KCNIP1: variants seen among roughly 807,000 people sequenced by gnomAD.
KCNIP1 encodes potassium voltage-gated channel interacting protein 1, also known as A-type potassium channel modulatory protein KCNIP1.
KCNIP1 carries 18 observed loss-of-function variants against 33.0 expected under a neutral mutation model. That is an observed-to-expected ratio of 0.55 (90% confidence interval 0.38 to 0.81). The LOEUF (loss-of-function observed/expected upper bound fraction) is 0.81, where lower values mean the gene tolerates loss of function less well. KCNIP1 is among the 30% of genes least tolerant of loss of function. The probability of loss-of-function intolerance (pLI) is 0.00; values close to 1 mark genes in which losing one functional copy is unlikely to be tolerated. For missense variants in KCNIP1, 238 were observed against 271.6 expected, an observed-to-expected ratio of 0.88 and a Z score of 0.87; for synonymous variants, 93 against 98.3, an observed-to-expected ratio of 0.95 and a Z score of 0.32.
intron 1 of KCNIP1, among the ~76,000 whole-genome samples, chr5:170,625,488 G>C (rs79479862): frequency 6.6e-6 from 1 of 152,180 alleles, no homozygotes. Context: ...TGTGACCTGC[G>C]GGGGCGCCCC....
At chr5:170,469,394 A>AAAAC (rs376320850) in intron 1 of KCNIP1, among the ~76,000 whole-genome samples, 1 of 152,222 alleles carries the variant, frequency 6.6e-6, no homozygotes, top group Non-Finnish European at 1.5e-5. Flanking sequence ...ACCCTGCCTC[A>AAAAC]AAACAAACAA....
Position 170,655,359 on chromosome 5 carries a change from C to T in KCNIP1, c.62-63399C>T, listed in dbSNP as rs77773136. Among the ~76,000 whole-genome samples, 200 of 152,238 alleles carry T rather than the reference C, an allele frequency of 1.3e-3. 1 individual carries two copies. The East Asian group carries it at 0.019, about 15-fold the overall frequency. ...GTGAGATGCTTGCCTAGAGGAGGCA[C>T]GTGGAAGCCAAGGCCAAGGAAGGCA... is the stretch of plus-strand genomic sequence containing the variant. On this transcript the variant is annotated intron_variant, in intron 1 of 7. Transcript: ENST00000328939.
At chr5:170,706,849 C>T (rs1763270427) in intron 1 of KCNIP1, among the ~76,000 whole-genome samples, 1 of 152,156 alleles carries the variant, frequency 6.6e-6, no homozygotes, top group African/African-American at 2.4e-5. Flanking sequence ...GTAATGAAAT[C>T]CCACCCGTGT....
At chr5:170,734,776 C>T (rs1385765983) in intron 7 of KCNIP1, among the ~76,000 whole-genome samples, 1 of 152,234 alleles carries the variant, frequency 6.6e-6, no homozygotes, top group Non-Finnish European at 1.5e-5. Context: ...ATAAACATCA[C>T]AGCCACCCTG....
intron 2 of KCNIP1, among the ~76,000 whole-genome samples, chr5:170,719,481 T>G (rs1763744192): frequency 6.6e-6 from 1 of 152,204 alleles, no homozygotes; most frequent in South Asian, 2.1e-4. Context: ...AGCTCTCAGA[T>G]ACAATCCTGG....
At chr5:170,413,660 C>T (rs1245135531) in intron 1 of KCNIP1, among the ~76,000 whole-genome samples, 1 of 152,158 alleles carries the variant, frequency 6.6e-6, no homozygotes, top group Non-Finnish European at 1.5e-5. Context: ...GACTTTTACA[C>T]ATAAATATGT....
At chr5:170,502,942 T>C (rs116306064), upstream of KCNIP1, among the ~76,000 whole-genome samples, 1,365 of 152,214 alleles carry the variant, frequency 9.0e-3, 17 homozygotes, top group African/African-American at 0.031. Context: ...ACTTTGCCCA[T>C]TGGGTGAGAC....
Position 170,520,918 on chromosome 5 carries a change from C to G in KCNIP1, c.61+16285C>G, listed in dbSNP as rs80278274. On this transcript the variant is annotated intron_variant, in intron 1 of 7. Coordinates refer to ENST00000328939, the MANE Select transcript of KCNIP1 (RefSeq NM_014592.4). ...TGTGGCCTTGGATAAGTCATCTACT[C>G]TCTATGAGCCTCAGATCCTTCGTCT... 5.8e-3 allele frequency among the ~76,000 whole-genome samples: 884 copies of G among 152,336 alleles called. 3 individuals are homozygous for G. The highest frequency in any genetic ancestry group is 7.6e-3 in the Non-Finnish European group (517 of 68,014).
At chr5:170,610,974 T>A (rs559503332) in intron 1 of KCNIP1, among the ~76,000 whole-genome samples, 1 of 152,242 alleles carries the variant, frequency 6.6e-6, no homozygotes, top group Non-Finnish European at 1.5e-5. Context: ...TAGTTATTAT[T>A]ACCCATTTTC....
chr5:170,498,286 A>G (rs1049571580), intron 1 of KCNIP1, among the ~76,000 whole-genome samples: 2 of 152,226 alleles, frequency 1.3e-5, no homozygotes, highest in African/African-American at 4.8e-5. Context: ...CTCCAACGAC[A>G]TTGCTGAGAT....
intron 1 of KCNIP1, among the ~76,000 whole-genome samples, chr5:170,684,152 G>A (rs541577577): frequency 3.3e-5 from 5 of 152,192 alleles, no homozygotes; most frequent in Non-Finnish European, 7.3e-5. Flanking sequence ...TATCAGTTGT[G>A]TGAGGTGGGA....
chr5:170,718,674 C>T (rs1462837688), intron 1 of KCNIP1, 84 bp from the exon 2 acceptor site: 1 of 1,545,456 alleles, frequency 6.5e-7, no homozygotes, highest in Non-Finnish European at 8.8e-7. Context: ...GGTCGTGACA[C>T]CACTCTTTTG....
intron 1 of KCNIP1, among the ~76,000 whole-genome samples, chr5:170,379,144 C>A (rs892403997): frequency 2.0e-5 from 3 of 152,160 alleles, no homozygotes; most frequent in Non-Finnish European, 4.4e-5. Flanking sequence ...GGAGAGCACG[C>A]TCTCATTTGT....
chr5:170,387,418 C>T (rs1429284775), intron 1 of KCNIP1, among the ~76,000 whole-genome samples: 1 of 152,120 alleles, frequency 6.6e-6, no homozygotes, highest in Non-Finnish European at 1.5e-5. Flanking sequence ...TCCCCTTAGC[C>T]AGGCTGCCCT....
intron 1 of KCNIP1, among the ~76,000 whole-genome samples, chr5:170,666,747 C>T (rs1315330473): frequency 6.6e-6 from 1 of 152,174 alleles, no homozygotes; most frequent in African/African-American, 2.4e-5. Flanking sequence ...ACCTCCCTGT[C>T]CCAGCATCTG....
chr5:170,724,568 G>A (rs1253631450), intron 5 of KCNIP1, among the ~76,000 whole-genome samples: 2 of 151,986 alleles, frequency 1.3e-5, no homozygotes, highest in Non-Finnish European at 2.9e-5. Context: ...ATTTGTACAT[G>A]GTATAATTGT....
intron 5 of KCNIP1, among the ~76,000 whole-genome samples, chr5:170,729,824 G>C (rs1198555913): frequency 6.6e-6 from 1 of 152,044 alleles, no homozygotes; most frequent in East Asian, 1.9e-4. Flanking sequence ...TGTATCAAAA[G>C]CATTGAAAGT....
chr5:170,383,205 T>C (rs1764321365), intron 1 of KCNIP1: 1 of 264,874 alleles, frequency 3.8e-6, no homozygotes, highest in Non-Finnish European at 7.2e-6. Flanking sequence ...ACTCCAGCCC[T>C]GAGTCCCTGG....
chr5:170,502,203 C>T (rs115553190), upstream of KCNIP1, among the ~76,000 whole-genome samples: 2,387 of 152,270 alleles, frequency 0.016, 38 homozygotes, highest in Non-Finnish European at 0.022. Context: ...GTGGGCATCA[C>T]GTGGACAATG....
Sources: gnomAD v4.1 joint callset for allele counts (sites outside exome capture counted in the v4.1 genomes callset) on GRCh38, gnomAD v4.1.1 for gene constraint, MANE v1.5 for transcripts, NCBI Gene and HGNC (gene_info 2026-07-23, HGNC 2026-07-21) for gene names.